Variants in ZDBF2 observed in about 807,000 individuals in gnomAD.
ZDBF2 encodes the protein DBF4-type zinc finger-containing protein 2.
In ZDBF2, 6 loss-of-function variants were observed where a neutral mutation model predicts 9.4. The observed-to-expected ratio is 0.64, with a 90% CI of 0.35 to 1.27. ZDBF2 has a LOEUF of 1.27. ZDBF2 is among the 50% of genes most tolerant of loss of function. ZDBF2 has a pLI of 0.03. For missense variants in ZDBF2, 2,697 were observed against 2,766.8 expected (o/e 0.97, Z 0.57); for synonymous variants, 905 against 946.3 (o/e 0.96, Z 0.80).
chr2:206,312,912 A>G lies in ZDBF2; in HGVS notation c.*1319A>G, dbSNP rs1395845248. On this transcript the variant is annotated 3_prime_UTR_variant, in exon 5 of 5. Transcript: ENST00000374423. ...TTTAACTATTTGTTAACAGATTTTA[A>G]CAGTTCAAATGAAAGATGTTAACGA... 1 of 152,230 alleles carries G rather than the reference A, an allele frequency of 6.6e-6. No homozygotes were observed. The highest frequency in any genetic ancestry group is 2.1e-4 in the South Asian group (1 of 4,834). The allele number at this position is 152,230 out of a possible 1,614,324, so 9.4% of individuals were successfully genotyped here. A position where few individuals can be genotyped will look rare whatever the true frequency, so the allele number is the denominator to read the frequency against.
At chr2:206,299,218 T>G (rs1393858649) in intron 4 of ZDBF2, among the ~76,000 whole-genome samples, 1 of 152,200 alleles carries the variant, frequency 6.6e-6, no homozygotes, top group African/African-American at 2.4e-5. Context: ...TGCTAGAATT[T>G]GAAGTTCTGG....
Position 206,310,907 on chromosome 2 carries a change from C to G in ZDBF2, c.6379C>G (p.Leu2127Val). Residue 2127 changes from leucine to valine, a missense_variant, in exon 5 of 5, where the codon CTG becomes GTG. By Grantham distance (32) the Leu-to-Val change is conservative. Transcript: ENST00000374423. Reference protein sequence around the residue: ...NSHQGTSDSSLFLEESKVLHA... With the variant: ...NSHQGTSDSSVFLEESKVLHA... ...ACATCAGGGAACCAGTGACTCTTCT[C>G]TGTTTCTGGAAGAATCAAAGGTTCT... 6.2e-7 allele frequency: 1 copy of G among 1,613,896 alleles called. No homozygotes were observed.
intron 1 of ZDBF2, among the ~76,000 whole-genome samples, chr2:206,277,340 T>G (rs1467272140): frequency 6.6e-6 from 1 of 151,168 alleles, no homozygotes; most frequent in African/African-American, 2.4e-5. Context: ...AACAAAATGC[T>G]GTTTTATTTG....
Position 206,310,517 on chromosome 2 carries a change from A to G in ZDBF2, c.5989A>G (p.Thr1997Ala). Residue 1997 changes from threonine to alanine, a missense_variant, in exon 5 of 5, where the codon ACT becomes GCT. This residue lies in a region of ZDBF2 where 1,783 missense variants were observed against 1,776.5 expected (regional missense o/e 1.00). Coordinates refer to ENST00000374423, the MANE Select transcript of ZDBF2 (RefSeq NM_020923.3). ...IGTVEFPASC[T>A]KVLKPMQPKA... ...GACAGTTGAATTTCCTGCATCATGTACTAAAGTTTTGAAGCCTATGCAACC... is the reference window on the plus strand; with the variant it reads ...GACAGTTGAATTTCCTGCATCATGTGCTAAAGTTTTGAAGCCTATGCAACC... 6.2e-7 allele frequency: 1 copy of G among 1,613,382 alleles called. No homozygotes were observed. The highest frequency in any genetic ancestry group is 8.5e-7 in the Non-Finnish European group (1 of 1,179,770).
rs1041271416 is a variant in ZDBF2 at position 206,309,077 on chromosome 2, G to C, written c.4549G>C (p.Val1517Leu). Residue 1517 changes from valine (V) to leucine (L), a missense_variant, in exon 5 of 5, where the codon GTC becomes CTC. Coordinates refer to ENST00000374423, the MANE Select transcript of ZDBF2 (RefSeq NM_020923.3). ...AGTAGTTAACCAATTTCCAGGATCA[G>C]TCAAAGAAACCCACCTTCCAAAGGT... The part of the protein sequence containing the change: ...QIVVNQFPGS[V>L]KETHLPKVVL... 6.2e-7 allele frequency: 1 copy of C among 1,613,926 alleles called. No individual in the cohort carries two copies. The highest frequency in any genetic ancestry group is 8.5e-7 in the Non-Finnish European group (1 of 1,179,856).
At chr2:206,298,765 A>T (rs1692337474) in intron 4 of ZDBF2, among the ~76,000 whole-genome samples, 1 of 151,982 alleles carries the variant, frequency 6.6e-6, no homozygotes, top group African/African-American at 2.4e-5. Context: ...ACCCCAAGTG[A>T]TCTGCCCACC....
Position 206,306,628 on chromosome 2 carries a change from G to A in ZDBF2, c.2100G>A (p.Gln700=). 6.2e-7 allele frequency: 1 copy of A among 1,613,726 alleles called. No homozygotes were observed. The highest frequency in any genetic ancestry group is 8.5e-7 in the Non-Finnish European group (1 of 1,179,790). The change falls in exon 5 of 5, where the codon CAG becomes CAA. Residue 700 remains glutamine, a synonymous_variant. Coordinates refer to ENST00000374423, the MANE Select transcript of ZDBF2 (RefSeq NM_020923.3). ...VDVDLENKSV[Q]SSRSSLSSDS... ...TTGACCTTGAGAATAAGAGTGTTCAGTCTAGCCGTTCTTCTCTGAGTTCTG... is the reference window on the plus strand; with the variant it reads ...TTGACCTTGAGAATAAGAGTGTTCAATCTAGCCGTTCTTCTCTGAGTTCTG...
chr2:206,298,583 C>T (rs1025465911), intron 4 of ZDBF2, among the ~76,000 whole-genome samples: 31 of 152,146 alleles, frequency 2.0e-4, no homozygotes, highest in African/African-American at 6.0e-4. Context: ...ACTGCAGTGA[C>T]ATGATCTCAA....
chr2:206,277,213 A>T (rs913950902), intron 1 of ZDBF2, among the ~76,000 whole-genome samples: 1 of 152,088 alleles, frequency 6.6e-6, no homozygotes, highest in Non-Finnish European at 1.5e-5. Flanking sequence ...AGTTTGAGAA[A>T]TACACACACG....
chr2:206,298,320 AT>A (rs1310586396), intron 4 of ZDBF2, among the ~76,000 whole-genome samples: 1 of 152,254 alleles, frequency 6.6e-6, no homozygotes, highest in Non-Finnish European at 1.5e-5. Flanking sequence ...TCATTAGCAC[AT>A]CTGTGCAGTT....
At chr2:206,291,430 G>C (rs1691893259) in intron 3 of ZDBF2, among the ~76,000 whole-genome samples, 1 of 152,164 alleles carries the variant, frequency 6.6e-6, no homozygotes, top group Non-Finnish European at 1.5e-5. Flanking sequence ...CTGTGGCCCA[G>C]TTCCTAGCAG....
At chr2:206,286,348 C>CT (rs982853081) in intron 3 of ZDBF2, among the ~76,000 whole-genome samples, 3 of 151,976 alleles carry the variant, frequency 2.0e-5, no homozygotes, top group African/African-American at 7.3e-5. Context: ...TATCTAGGTG[C>CT]TCTGGTATTG....
rs761174469 is a variant in ZDBF2, at chr2:206,307,283, G to T, written c.2755G>T (p.Asp919Tyr). 6.2e-7 allele frequency: 1 copy of T among 1,608,696 alleles called. No homozygotes were observed. Among genetic ancestry groups the T allele is most frequent in the South Asian group, 1.1e-5 (1 of 89,566 alleles). The part of the protein sequence containing the change: ...NEPIDSEVSL[D>Y]YNIIFHSVTG... The stretch of plus-strand genomic sequence containing the variant: ...ACCTATTGATTCTGAAGTAAGTTTG[G>T]ATTATAATATCATTTTTCATTCAGT... Residue 919 changes from aspartate (D) to tyrosine (Y), a missense_variant, in exon 5 of 5, where the codon GAT becomes TAT. This residue lies in a region of ZDBF2 where 1,783 missense variants were observed against 1,776.5 expected (regional missense o/e 1.00). Coordinates refer to ENST00000374423, the MANE Select transcript of ZDBF2 (RefSeq NM_020923.3).
chr2:206,310,717 T>C lies in ZDBF2; in HGVS notation c.6189T>C (p.Ser2063=), dbSNP rs781140132. The change falls in exon 5 of 5, where the codon AGT becomes AGC. Residue 2063 remains serine, a synonymous_variant. Transcript: ENST00000374423. ...YEPLIKQIVI[S]PPLSVIVPEF... ...CCTTGATTAAGCAAATTGTAATTAG[T>C]CCTCCCCTGAGTGTAATAGTACCAG... The C allele has an allele frequency of 2.5e-6, 4 of 1,613,642 alleles. No homozygotes were observed. The South Asian group carries it at 4.4e-5, about 18-fold the overall frequency.
chr2:206,304,768 G>T lies in ZDBF2; in HGVS notation c.240G>T (p.Val80=). 1 of 1,613,614 alleles carries T rather than the reference G, an allele frequency of 6.2e-7. No individual in the cohort carries two copies. The highest frequency in any genetic ancestry group is 2.2e-5 in the East Asian group (1 of 44,880). ...HVNTGSSSEV[V]HLDDAFSEEE... ...ATACTGGGTCATCGTCTGAAGTGGT[G>T]CATTTGGATGATGCTTTTTCTGAAG... is the stretch of plus-strand genomic sequence containing the variant. Residue 80 remains valine, a synonymous_variant, in exon 5 of 5, where the codon GTG becomes GTT. Coordinates refer to ENST00000374423, the MANE Select transcript of ZDBF2 (RefSeq NM_020923.3).
In ZDBF2 at chr2:206,307,769, A is replaced by C; in HGVS notation, c.3241A>C (p.Thr1081Pro). 1 of 1,611,268 alleles carries C rather than the reference A, an allele frequency of 6.2e-7. No homozygotes were observed. Among genetic ancestry groups the C allele is most frequent in the Non-Finnish European group, 8.5e-7 (1 of 1,179,282 alleles). ...KNSKSGDSKI[T>P]FDSEQLQEAV... ...CAGTAAATCAGGTGATTCTAAAATA[A>C]CTTTTGATTCTGAACAACTTCAGGA... Residue 1081 changes from threonine (T) to proline (P), a missense_variant, in exon 5 of 5, where the codon ACT becomes CCT. By Grantham distance (38) the Thr-to-Pro change is conservative. Coordinates refer to ENST00000374423, the MANE Select transcript of ZDBF2 (RefSeq NM_020923.3).
chr2:206,280,248 A>G (rs544468104), intron 2 of ZDBF2, among the ~76,000 whole-genome samples: 1 of 152,332 alleles, frequency 6.6e-6, no homozygotes, highest in East Asian at 1.9e-4. Context: ...ATTGTAACTC[A>G]CTGTCATTAA....
At chr2:206,275,893 G>C (rs1690973483) in intron 1 of ZDBF2, among the ~76,000 whole-genome samples, 1 of 152,144 alleles carries the variant, frequency 6.6e-6, no homozygotes, top group Non-Finnish European at 1.5e-5. Flanking sequence ...TCTATCGTTT[G>C]AACCTAAAGC....
In ZDBF2 at chr2:206,308,734, CT is replaced by C; in HGVS notation, c.4207del (p.Tyr1403IlefsTer3). Reference sequence around the variant, plus strand: ...ACCATATTTACCTGGAAGATAAGAGCTATAAATTAGGTGATTTTGATGTAAG... The same window carrying C: ...ACCATATTTACCTGGAAGATAAGAGCATAAATTAGGTGATTTTGATGTAAG... ...EDHIYLEDKS[Y>X]KLGDFDVSYA... is the part of the protein sequence containing the mutation. On this transcript the variant is annotated frameshift_variant, in exon 5 of 5. Transcript: ENST00000374423. LOFTEE classifies it low-confidence loss of function (END_TRUNC). The C allele has an allele frequency of 1.9e-6, 3 of 1,613,162 alleles. No individual in the cohort carries two copies. The highest frequency in any genetic ancestry group is 2.5e-6 in the Non-Finnish European group (3 of 1,179,724).
Sources: allele counts gnomAD v4.1 joint callset (sites outside exome capture counted in the v4.1 genomes callset), GRCh38; gene constraint gnomAD v4.1.1; regional missense constraint gnomAD v4.1.1; transcripts MANE v1.5; gene names NCBI Gene and HGNC (gene_info 2026-07-23, HGNC 2026-07-21).